NUDCD3: variants seen among roughly 807,000 people sequenced by gnomAD.
NUDCD3 encodes nudC domain-containing protein 3.
A neutral mutation model predicts 39.7 loss-of-function variants in NUDCD3; 13 were observed. The observed-to-expected ratio is 0.33, with a 90% CI of 0.21 to 0.52. The LOEUF is 0.52. Among genes scored for constraint, NUDCD3 ranks in the 20% least tolerant of loss-of-function variants. NUDCD3 has a pLI of 0.96. For missense variants in NUDCD3, 453 were observed against 458.1 expected (o/e 0.99, Z 0.10); for synonymous variants, 175 against 172.4 (o/e 1.02, Z -0.12).
At chr7:44,490,340 G>A (rs561265752) in intron 1 of NUDCD3, 69 bp downstream of exon 1, 3 of 1,383,180 alleles carry the variant, frequency 2.2e-6, no homozygotes, top group African/African-American at 3.0e-5. Context: ...GAGCTTGGAG[G>A]AGCGGGCGCC....
At chr7:44,477,822 CTTTTTTTTTTTTT>C (rs938640330) in intron 2 of NUDCD3, among the ~76,000 whole-genome samples, 2 of 94,154 alleles carry the variant, frequency 2.1e-5, no homozygotes, top group Admixed American at 1.1e-4. Flanking sequence ...ATGAACAATT[CTTTTTTTTTTTTT>C]TTTTTTTTTT....
At chr7:44,388,668 ACTGTCTATAG>A (rs1798449665) in intron 5 of NUDCD3, among the ~76,000 whole-genome samples, 1 of 152,182 alleles carries the variant, frequency 6.6e-6, no homozygotes. Context: ...TCAGTTCATT[ACTGTCTATAG>A]CTGTCACCTG....
At chr7:44,476,657 C>T (rs531420843) in intron 2 of NUDCD3, among the ~76,000 whole-genome samples, 20 of 152,074 alleles carry the variant, frequency 1.3e-4, no homozygotes, top group South Asian at 2.1e-4. Context: ...ACAGACTGAG[C>T]GAAAACAGTA....
At chr7:44,470,468 T>A (rs1430537598) in intron 2 of NUDCD3, among the ~76,000 whole-genome samples, 4 of 152,034 alleles carry the variant, frequency 2.6e-5, no homozygotes, top group Non-Finnish European at 5.9e-5. Context: ...CGGTTTAAGG[T>A]CCCCCCAATG....
chr7:44,394,065 G>A (rs1798573506), intron 4 of NUDCD3, among the ~76,000 whole-genome samples: 2 of 152,248 alleles, frequency 1.3e-5, no homozygotes, highest in South Asian at 2.1e-4. Context: ...GTCCGAGAAT[G>A]TGTTCTACTA....
chr7:44,459,904 G>T (rs1034988911), intron 2 of NUDCD3, among the ~76,000 whole-genome samples: 1 of 152,132 alleles, frequency 6.6e-6, no homozygotes, highest in Non-Finnish European at 1.5e-5. Flanking sequence ...AAGTTAATAT[G>T]GAGTTTTAAC....
chr7:44,413,763 G>A (rs1374617501), intron 3 of NUDCD3, among the ~76,000 whole-genome samples: 1 of 152,112 alleles, frequency 6.6e-6, no homozygotes, highest in Non-Finnish European at 1.5e-5. Context: ...ACAGAAATTA[G>A]AAATACAGGC....
At chr7:44,463,347 CAG>C (rs1800054707) in intron 2 of NUDCD3, among the ~76,000 whole-genome samples, 1 of 152,180 alleles carries the variant, frequency 6.6e-6, no homozygotes, top group Non-Finnish European at 1.5e-5. Flanking sequence ...GTGACACCCA[CAG>C]AGGGCACGGA....
intron 2 of NUDCD3, among the ~76,000 whole-genome samples, chr7:44,434,132 TC>T (rs1221817190): frequency 2.0e-5 from 3 of 152,136 alleles, no homozygotes; most frequent in Non-Finnish European, 4.4e-5. Context: ...CAGGCCCACT[TC>T]CTACTTCTCG....
At chr7:44,436,367 G>A (rs115292697) in intron 2 of NUDCD3, among the ~76,000 whole-genome samples, 2,588 of 152,226 alleles carry the variant, frequency 0.017, 58 homozygotes, top group African/African-American at 0.058. Context: ...TGAAAGTTTC[G>A]TGGGCGTTCA....
chr7:44,427,806 A>G (rs570014225), intron 2 of NUDCD3, 103 bp from the exon 3 acceptor site: 2 of 1,239,986 alleles, frequency 1.6e-6, no homozygotes, highest in East Asian at 2.5e-5. Context: ...GACGTGACCA[A>G]CTCAAGTTTC....
chr7:44,456,429 C>T (rs1008922513), intron 2 of NUDCD3, among the ~76,000 whole-genome samples: 1 of 152,184 alleles, frequency 6.6e-6, no homozygotes, highest in Non-Finnish European at 1.5e-5. Flanking sequence ...ACTCCTTGTT[C>T]TACTCTTTCC....
intron 4 of NUDCD3, 61 bp downstream of exon 4, chr7:44,404,379 G>A: frequency 6.5e-7 from 1 of 1,536,330 alleles, no homozygotes; most frequent in Non-Finnish European, 8.9e-7. Flanking sequence ...TTGGTCAAAA[G>A]GGGCATCACT....
chr7:44,465,516 A>G (rs562062905), intron 2 of NUDCD3, among the ~76,000 whole-genome samples: 154 of 152,370 alleles, frequency 1.0e-3, no homozygotes, highest in African/African-American at 3.3e-3. Flanking sequence ...GGGCACAGGG[A>G]GAACTCTCTG....
intron 4 of NUDCD3, chr7:44,402,875 A>G (rs1477815163): frequency 2.9e-6 from 1 of 339,600 alleles, no homozygotes; most frequent in Non-Finnish European, 5.9e-6. Flanking sequence ...CAGTACTACT[A>G]GTGCATCACT....
At chr7:44,408,394 A>C (rs1268381382) in intron 3 of NUDCD3, among the ~76,000 whole-genome samples, 1 of 152,228 alleles carries the variant, frequency 6.6e-6, no homozygotes, top group African/African-American at 2.4e-5. Flanking sequence ...ACCAGTCTAG[A>C]GTGGAGTTCA....
At chr7:44,402,679 A>G (rs1447710452) in intron 4 of NUDCD3, 1 of 456,718 alleles carries the variant, frequency 2.2e-6, no homozygotes, top group Admixed American at 2.3e-5. Flanking sequence ...ACTTGAGAGC[A>G]TCGTGACCTG....
chr7:44,435,174 T>C (rs1284764851), intron 2 of NUDCD3, among the ~76,000 whole-genome samples: 1 of 152,230 alleles, frequency 6.6e-6, no homozygotes, highest in Non-Finnish European at 1.5e-5. Context: ...CTGATTGTTA[T>C]CTGTTTAGCA....
At chr7:44,485,905 G>C (rs1318814804) in intron 1 of NUDCD3, among the ~76,000 whole-genome samples, 3 of 152,210 alleles carry the variant, frequency 2.0e-5, no homozygotes. Flanking sequence ...CACCCATGAA[G>C]GTGCTGGGAC....
Sources: gnomAD v4.1 joint callset for allele counts (sites outside exome capture counted in the v4.1 genomes callset) on GRCh38, gnomAD v4.1.1 for gene constraint, MANE v1.5 for transcripts, NCBI Gene and HGNC (gene_info 2026-07-23, HGNC 2026-07-21) for gene names.